The following OTUD1 variants were observed in gnomAD, a reference collection of about 807,000 sequenced individuals.
The protein encoded by OTUD1 is OTU deubiquitinase 1, also known as OTU domain-containing protein 1.
In OTUD1, 15 loss-of-function variants were observed where a neutral mutation model predicts 30.0. That is an observed-to-expected ratio of 0.50 (90% CI 0.33 to 0.77). The LOEUF is 0.77. Among genes scored for constraint, OTUD1 ranks in the 30% least tolerant of loss-of-function variants. OTUD1 has a pLI of 0.02. For synonymous variants in OTUD1, 381 were observed against 326.3 expected, an observed-to-expected ratio of 1.17 and a Z score of -1.81; for missense variants, 796 against 697.8, an observed-to-expected ratio of 1.14 and a Z score of -1.59.
Position 23,439,907 on chromosome 10 carries a change from C to A in OTUD1, c.450C>A (p.Ala150=). The A allele has an allele frequency of 8.3e-7, 1 of 1,204,972 alleles. No homozygotes were observed. 74.6% of individuals were successfully genotyped at this position (1,204,972 alleles called of 1,614,324 possible). The change falls in exon 1 of 1, where the codon GCC becomes GCA. Residue 150 remains alanine (A), a synonymous_variant. Transcript: ENST00000376495. ...AAPRGRCLLL[A]PAPAAPVPPR... ...CGCGCGGCCGCTGCCTCCTGCTCGC[C>A]CCGGCGCCCGCAGCCCCGGTCCCGC...
In OTUD1 at chr10:23,439,766, G is replaced by A. The variant is rs978602029; in HGVS notation, c.309G>A (p.Pro103=). The A allele has an allele frequency of 5.9e-4, 684 of 1,156,340 alleles. 2 individuals carry two copies. The highest frequency in any genetic ancestry group is 7.0e-4 in the Non-Finnish European group (661 of 942,710). The allele number at this position is 1,156,340 out of a possible 1,614,324, so 71.6% of individuals were successfully genotyped here. A position where few individuals can be genotyped will look rare whatever the true frequency, so the allele number is the denominator to read the frequency against. The change falls in exon 1 of 1, where the codon CCG becomes CCA. Residue 103 remains proline (P), a synonymous_variant. Coordinates refer to ENST00000376495, the MANE Select transcript of OTUD1 (RefSeq NM_001145373.3). ...AGPPGASCKP[P]LPPHYTSTAQ... ...CGCCCGGCGCGTCCTGCAAGCCGCC[G>A]CTGCCGCCGCACTACACGTCCACCG...
At position 23,439,214 on chromosome 10, in the gene OTUD1, A is replaced by G. The variant is rs894271356; in HGVS notation, c.-244A>G. On this transcript the variant is annotated 5_prime_UTR_variant, in exon 1 of 1. Coordinates refer to ENST00000376495, the MANE Select transcript of OTUD1 (RefSeq NM_001145373.3). ...CGCCCCGGGTCTGCGGGCCGAGCGCACCGGCAGGGGTCGAGCTCGCGTCCC... is the reference window on the plus strand; with the variant it reads ...CGCCCCGGGTCTGCGGGCCGAGCGCGCCGGCAGGGGTCGAGCTCGCGTCCC... Among the ~76,000 whole-genome samples, 17 of 150,604 alleles carry G rather than the reference A, an allele frequency of 1.1e-4. No individual in the cohort carries two copies. Among genetic ancestry groups the G allele is most frequent in the African/African-American group, 4.1e-4 (17 of 41,056 alleles).
Position 23,439,909 on chromosome 10 carries a change from C to A in OTUD1, c.452C>A (p.Pro151Gln). 3.3e-6 allele frequency: 4 copies of A among 1,206,572 alleles called. No homozygotes were observed. Among genetic ancestry groups the A allele is most frequent in the Non-Finnish European group, 4.1e-6 (4 of 974,906 alleles). 74.7% of individuals were successfully genotyped at this position (1,206,572 alleles called of 1,614,324 possible). Reference protein sequence around the residue: ...APRGRCLLLAPAPAAPVPPRR... With the variant: ...APRGRCLLLAQAPAAPVPPRR... ...CGCGGCCGCTGCCTCCTGCTCGCCC[C>A]GGCGCCCGCAGCCCCGGTCCCGCCG... Residue 151 changes from proline (P) to glutamine (Q), a missense_variant, in exon 1 of 1, where the codon CCG (proline) becomes CAG (glutamine). Physicochemically the swap from Pro to Gln is moderately conservative, Grantham distance 76. Transcript: ENST00000376495.
At position 23,440,026 on chromosome 10, in the gene OTUD1, A is replaced by C; in HGVS notation, c.569A>C (p.Asp190Ala). The change falls in exon 1 of 1, where the codon GAT becomes GCT. Residue 190 changes from aspartate (D) to alanine (A), a missense_variant. Coordinates refer to ENST00000376495, the MANE Select transcript of OTUD1 (RefSeq NM_001145373.3). ...TTGGACGCGACACGGGAGGGGCCCG[A>C]TCGGAACTTCCGACTGAGCGAGCAC... is the stretch of plus-strand genomic sequence containing the variant. The part of the protein sequence containing the change: ...AGLDATREGP[D>A]RNFRLSEHRQ... 2.1e-6 allele frequency: 3 copies of C among 1,444,942 alleles called. No homozygotes were observed. Among genetic ancestry groups the C allele is most frequent in the Non-Finnish European group, 9.1e-7 (1 of 1,104,520 alleles). The allele number at this position is 1,444,942 out of a possible 1,614,324, so 89.5% of individuals were successfully genotyped here. A position where few individuals can be genotyped will look rare whatever the true frequency, so the allele number is the denominator to read the frequency against.
rs911683455 is a variant in OTUD1, at chr10:23,439,961, G to A, written c.504G>A (p.Leu168=). Residue 168 remains leucine (L), a synonymous_variant, in exon 1 of 1, where the codon CTG becomes CTA. Transcript: ENST00000376495. ...GGCGGGGCTCCTCGGCCTGGCTCCT[G>A]GAGGAGCTGCTGCGGCCCGACTGCC... ...PPRRGSSAWL[L]EELLRPDCPE... is the part of the protein sequence containing the mutation. The A allele has an allele frequency of 2.0e-5, 25 of 1,276,966 alleles. No individual in the cohort carries two copies. The African/African-American group carries it at 3.9e-4, about 20-fold the overall frequency. The allele number at this position is 1,276,966 out of a possible 1,614,324, so 79.1% of individuals were successfully genotyped here.
rs1373190996 is a variant in OTUD1 at position 23,439,922 on chromosome 10, C to T, written c.465C>T (p.Ala155=). ...RCLLLAPAPA[A]PVPPRRGSSA... ...TCCTGCTCGCCCCGGCGCCCGCAGC[C>T]CCGGTCCCGCCGCGGCGGGGCTCCT... Residue 155 remains alanine (A), a synonymous_variant, in exon 1 of 1, where the codon GCC becomes GCT. Coordinates refer to ENST00000376495, the MANE Select transcript of OTUD1 (RefSeq NM_001145373.3). 15 of 1,218,284 alleles carry T rather than the reference C, an allele frequency of 1.2e-5. No individual in the cohort carries two copies. Among genetic ancestry groups the T allele is most frequent in the Middle Eastern group, 3.2e-4 (1 of 3,118 alleles). The allele number at this position is 1,218,284 out of a possible 1,614,324, so 75.5% of individuals were successfully genotyped here.
chr10:23,439,504 C>A lies in OTUD1; in HGVS notation c.47C>A (p.Pro16Gln). Reference protein sequence around the residue: ...SVCTHYPAGAPGPTAAAPAPP... With the variant: ...SVCTHYPAGAQGPTAAAPAPP... Reference sequence around the variant, plus strand: ...TGCACCCACTACCCCGCCGGGGCCCCGGGTCCCACGGCCGCCGCCCCCGCG... The same window carrying A: ...TGCACCCACTACCCCGCCGGGGCCCAGGGTCCCACGGCCGCCGCCCCCGCG... Residue 16 changes from proline to glutamine, a missense_variant, in exon 1 of 1, where the codon CCG (proline) becomes CAG (glutamine). Transcript: ENST00000376495. 7.3e-7 allele frequency: 1 copy of A among 1,370,832 alleles called. No individual in the cohort carries two copies. Among genetic ancestry groups the A allele is most frequent in the Non-Finnish European group, 9.4e-7 (1 of 1,061,386 alleles). 84.9% of individuals were successfully genotyped at this position (1,370,832 alleles called of 1,614,324 possible).
chr10:23,439,557 G>C lies in OTUD1; in HGVS notation c.100G>C (p.Val34Leu), dbSNP rs927974791. The change falls in exon 1 of 1, where the codon GTC becomes CTC. Residue 34 changes from valine (V) to leucine (L), a missense_variant. Transcript: ENST00000376495. ...APPAAATPFK[V>L]SLQPPGAAGA... ...ACCCGCCGCCGCTACCCCCTTCAAG[G>C]TCTCGCTGCAGCCCCCGGGAGCCGC... The C allele has an allele frequency of 7.2e-7, 1 of 1,385,482 alleles. No individual in the cohort carries two copies. Among genetic ancestry groups the C allele is most frequent in the Non-Finnish European group, 9.4e-7 (1 of 1,066,420 alleles). The allele number at this position is 1,385,482 out of a possible 1,614,324, so 85.8% of individuals were successfully genotyped here. A position where few individuals can be genotyped will look rare whatever the true frequency, so the allele number is the denominator to read the frequency against.
Position 23,439,461 on chromosome 10 carries a change from C to T in OTUD1, c.4C>T (p.Gln2Ter). ...GGGCCGAGCGGCGGGCAGGGACATG[C>T]AGCTCTACAGCAGCGTCTGCACCCA... M[Q>*]LYSSVCTHYP... is the part of the protein sequence containing the mutation. Residue 2 changes from glutamine (Q) to a stop codon, truncating the protein, a stop_gained, in exon 1 of 1, where the codon CAG (glutamine) becomes TAG (stop). Transcript: ENST00000376495. LOFTEE classifies it high-confidence loss of function. The T allele has an allele frequency of 7.6e-7, 1 of 1,314,088 alleles. No individual in the cohort carries two copies. The highest frequency in any genetic ancestry group is 2.0e-5 in the South Asian group (1 of 49,466). The allele number at this position is 1,314,088 out of a possible 1,614,324, so 81.4% of individuals were successfully genotyped here. A position where few individuals can be genotyped will look rare whatever the true frequency, so the allele number is the denominator to read the frequency against.
Position 23,440,784 on chromosome 10 carries a change from C to T in OTUD1, c.1327C>T (p.Pro443Ser), listed in dbSNP as rs755760569. 9.7e-6 allele frequency: 15 copies of T among 1,552,066 alleles called. No homozygotes were observed. Among genetic ancestry groups the T allele is most frequent in the Non-Finnish European group, 1.3e-5 (15 of 1,147,120 alleles). ...DAVFDHSYPN[P>S]EYDNWCKQTQ... ...TGTATTTGATCACTCCTATCCTAACCCAGAGTACGACAACTGGTGCAAACA... is the reference window on the plus strand; with the variant it reads ...TGTATTTGATCACTCCTATCCTAACTCAGAGTACGACAACTGGTGCAAACA... The change falls in exon 1 of 1, where the codon CCA becomes TCA. Residue 443 changes from proline to serine, a missense_variant. Coordinates refer to ENST00000376495, the MANE Select transcript of OTUD1 (RefSeq NM_001145373.3).
rs1296609775 is a variant in OTUD1, at chr10:23,440,834, C to T, written c.1377C>T (p.Asp459=). Reference sequence around the variant, plus strand: ...AAACTCAAGTGCAAAGGAAACGCGACGAAGAACTTGCCAAATCTATGGCCA... The same window carrying T: ...AAACTCAAGTGCAAAGGAAACGCGATGAAGAACTTGCCAAATCTATGGCCA... ...CKQTQVQRKR[D]EELAKSMAIS... Residue 459 remains aspartate (D), a synonymous_variant, in exon 1 of 1, where the codon GAC becomes GAT. Transcript: ENST00000376495. The T allele has an allele frequency of 2.6e-6, 4 of 1,552,058 alleles. No individual in the cohort carries two copies. The highest frequency in any genetic ancestry group is 2.4e-5 in the South Asian group (2 of 84,066).
In OTUD1 at chr10:23,440,432, C is replaced by T. The variant is rs141182498; in HGVS notation, c.975C>T (p.Val325=). 1 of 1,551,714 alleles carries T rather than the reference C, an allele frequency of 6.4e-7. No individual in the cohort carries two copies. Among genetic ancestry groups the T allele is most frequent in the Non-Finnish European group, 8.7e-7 (1 of 1,147,000 alleles). ...ACGGCAACTGCCTCTACCGAGCTGT[C>T]AGCAAGACGGTGTATGGGGACCAGA... ...IPDGNCLYRA[V]SKTVYGDQSL... The change falls in exon 1 of 1, where the codon GTC becomes GTT. Residue 325 remains valine, a synonymous_variant. Transcript: ENST00000376495.
chr10:23,439,611 G>GAGTGCCAGCCCGC lies in OTUD1; in HGVS notation c.155_167dup (p.Ala57ValfsTer221). 1 of 1,358,082 alleles carries GAGTGCCAGCCCGC rather than the reference G, an allele frequency of 7.4e-7. No homozygotes were observed. Among genetic ancestry groups the GAGTGCCAGCCCGC allele is most frequent in the Non-Finnish European group, 9.5e-7 (1 of 1,050,406 alleles). 84.1% of individuals were successfully genotyped at this position (1,358,082 alleles called of 1,614,324 possible). On this transcript the variant is annotated frameshift_variant, in exon 1 of 1. Coordinates refer to ENST00000376495, the MANE Select transcript of OTUD1 (RefSeq NM_001145373.3). LOFTEE classifies it high-confidence loss of function. ...CGCCGCGCCCGAGCCCGAGACCGGT[G>GAGTGCCAGCCCGC]AGTGCCAGCCCGCCGCGGCCGCCGA...
Position 23,441,892 on chromosome 10 carries a change from A to G in OTUD1, c.*989A>G, listed in dbSNP as rs999841368. The stretch of plus-strand genomic sequence containing the variant: ...GTTATAGCAGGAGAACACTGTCTTA[A>G]TATTTCTTTACATTCTTTCAAAAGG... On this transcript the variant is annotated 3_prime_UTR_variant, in exon 1 of 1. Coordinates refer to ENST00000376495, the MANE Select transcript of OTUD1 (RefSeq NM_001145373.3). 1 of 167,098 alleles carries G rather than the reference A, an allele frequency of 6.0e-6. No individual in the cohort carries two copies. Among genetic ancestry groups the G allele is most frequent in the South Asian group, 2.1e-4 (1 of 4,834 alleles). 10.4% of individuals were successfully genotyped at this position (167,098 alleles called of 1,614,324 possible).
rs1191468029 is a variant in OTUD1 at position 23,440,043 on chromosome 10, A to G, written c.586A>G (p.Ser196Gly). The change falls in exon 1 of 1, where the codon AGC becomes GGC. Residue 196 changes from serine (S) to glycine (G), a missense_variant. Transcript: ENST00000376495. ...REGPDRNFRL[S>G]EHRQALAAAK... ...GGGGCCCGATCGGAACTTCCGACTGAGCGAGCACCGCCAGGCCCTGGCCGC... is the reference window on the plus strand; with the variant it reads ...GGGGCCCGATCGGAACTTCCGACTGGGCGAGCACCGCCAGGCCCTGGCCGC... 18 of 1,452,224 alleles carry G rather than the reference A, an allele frequency of 1.2e-5. No homozygotes were observed. Among genetic ancestry groups the G allele is most frequent in the Non-Finnish European group, 1.6e-5 (18 of 1,108,658 alleles). 90.0% of individuals were successfully genotyped at this position (1,452,224 alleles called of 1,614,324 possible).
rs989596862 is a variant in OTUD1, at chr10:23,439,303, C to T, written c.-155C>T. Among the ~76,000 whole-genome samples, 2 of 151,562 alleles carry T rather than the reference C, an allele frequency of 1.3e-5. No homozygotes were observed. The highest frequency in any genetic ancestry group is 4.8e-5 in the African/African-American group (2 of 41,376). The stretch of plus-strand genomic sequence containing the variant: ...GCCGGGACCCGGGCGCTATTCGCGG[C>T]TGCTGACTCGCGGCGGCCGGCTGCC... On this transcript the variant is annotated 5_prime_UTR_variant, in exon 1 of 1. Coordinates refer to ENST00000376495, the MANE Select transcript of OTUD1 (RefSeq NM_001145373.3).
chr10:23,441,463 T>C lies in OTUD1; in HGVS notation c.*560T>C, dbSNP rs1035176471. Reference sequence around the variant, plus strand: ...ACCAGATGTTTGGCCCATTCCATTTTGATGAAACAGAGCTGTTGTTTTGGA... The same window carrying C: ...ACCAGATGTTTGGCCCATTCCATTTCGATGAAACAGAGCTGTTGTTTTGGA... On this transcript the variant is annotated 3_prime_UTR_variant, in exon 1 of 1. Transcript: ENST00000376495. The C allele has an allele frequency of 6.0e-6, 1 of 167,098 alleles. No individual in the cohort carries two copies. Among genetic ancestry groups the C allele is most frequent in the Non-Finnish European group, 1.5e-5 (1 of 68,150 alleles). 10.4% of individuals were successfully genotyped at this position (167,098 alleles called of 1,614,324 possible).
rs1485372742 is a variant in OTUD1, at chr10:23,439,699, T to C, written c.242T>C (p.Val81Ala). ...CCCGCCTTCTCCTCCTGCTTCGAGG[T>C]GGTGTCCGGGGCCGCCGCGCCCGCC... ...KMPAFSSCFE[V>A]VSGAAAPASA... The change falls in exon 1 of 1, where the codon GTG becomes GCG. Residue 81 changes from valine (V) to alanine (A), a missense_variant. By Grantham distance (64) the Val-to-Ala change is moderately conservative (BLOSUM62 0). Coordinates refer to ENST00000376495, the MANE Select transcript of OTUD1 (RefSeq NM_001145373.3). The C allele has an allele frequency of 1.6e-6, 2 of 1,251,684 alleles. No individual in the cohort carries two copies. 77.5% of individuals were successfully genotyped at this position (1,251,684 alleles called of 1,614,324 possible).
In OTUD1 at chr10:23,439,769, G is replaced by A. The variant is rs960726560; in HGVS notation, c.312G>A (p.Leu104=). The A allele has an allele frequency of 2.6e-6, 3 of 1,156,778 alleles. No homozygotes were observed. Among genetic ancestry groups the A allele is most frequent in the African/African-American group, 3.3e-5 (2 of 60,542 alleles). 71.7% of individuals were successfully genotyped at this position (1,156,778 alleles called of 1,614,324 possible). Residue 104 remains leucine (L), a synonymous_variant, in exon 1 of 1, where the codon CTG becomes CTA. Coordinates refer to ENST00000376495, the MANE Select transcript of OTUD1 (RefSeq NM_001145373.3). The part of the protein sequence containing the change: ...GPPGASCKPP[L]PPHYTSTAQI... ...CCGGCGCGTCCTGCAAGCCGCCGCT[G>A]CCGCCGCACTACACGTCCACCGCAC...
Sources: gnomAD v4.1 joint callset for allele counts (sites outside exome capture counted in the v4.1 genomes callset) on GRCh38, gnomAD v4.1.1 for gene constraint, MANE v1.5 for transcripts, NCBI Gene and HGNC (gene_info 2026-07-23, HGNC 2026-07-21) for gene names.